The following SLC16A10 variants were observed in gnomAD, a reference collection of about 807,000 sequenced individuals.
SLC16A10 encodes monocarboxylate transporter 10.
Under a neutral mutation model 40.0 loss-of-function variants are expected in SLC16A10, and 27 were observed. That is an observed-to-expected ratio of 0.67 (90% CI 0.50 to 0.93). The LOEUF is 0.93. SLC16A10 is among the 40% of genes least tolerant of loss of function. The pLI is 0.00. For missense variants in SLC16A10, 529 were observed against 658.2 expected, an observed-to-expected ratio of 0.80 and a Z score of 2.15; for synonymous variants, 213 against 249.8, an observed-to-expected ratio of 0.85 and a Z score of 1.39.
intron 3 of SLC16A10, among the ~76,000 whole-genome samples, chr6:111,196,339 AAAAAAT>A (rs879696234): frequency 2.0e-5 from 3 of 152,148 alleles, no homozygotes; most frequent in Non-Finnish European, 4.4e-5. Context: ...CTCTGTCTCA[AAAAAAT>A]AAAAATAAAA....
At chr6:111,200,437 A>G (rs1185213956) in intron 3 of SLC16A10, among the ~76,000 whole-genome samples, 2 of 152,178 alleles carry the variant, frequency 1.3e-5, no homozygotes, top group African/African-American at 4.8e-5. Context: ...ACTCAAGTCT[A>G]TGGAGTTTGT....
chr6:111,177,899 C>G (rs1376020823), intron 3 of SLC16A10, among the ~76,000 whole-genome samples: 1 of 152,116 alleles, frequency 6.6e-6, no homozygotes, highest in Non-Finnish European at 1.5e-5. Context: ...CAAACCCAGC[C>G]AGACACCATG....
At chr6:111,128,449 ATTAT>A (rs909981396) in intron 1 of SLC16A10, among the ~76,000 whole-genome samples, 85 of 152,210 alleles carry the variant, frequency 5.6e-4, no homozygotes, top group African/African-American at 1.9e-3. Context: ...TTACTTATTG[ATTAT>A]TTAGTGGTCT....
At chr6:111,140,137 A>T (rs757003650) in intron 1 of SLC16A10, among the ~76,000 whole-genome samples, 3 of 152,212 alleles carry the variant, frequency 2.0e-5, no homozygotes, top group Non-Finnish European at 4.4e-5. Flanking sequence ...AAACCTTCAC[A>T]TGTACCCCTA....
chr6:111,096,997 T>A (rs1015462153), intron 1 of SLC16A10, among the ~76,000 whole-genome samples: 9 of 152,014 alleles, frequency 5.9e-5, no homozygotes, highest in East Asian at 1.9e-4. Context: ...TTTTTAAAAA[T>A]TTTTTTGTGG....
intron 1 of SLC16A10, among the ~76,000 whole-genome samples, chr6:111,093,713 A>T (rs1771024154): frequency 6.6e-6 from 1 of 152,252 alleles, no homozygotes; most frequent in African/African-American, 2.4e-5. Context: ...AGCTAGTTAC[A>T]GTGAACAAAT....
chr6:111,178,546 A>T, intron 3 of SLC16A10: 1 of 377,602 alleles, frequency 2.6e-6, no homozygotes, highest in South Asian at 2.1e-5. Context: ...CTTCATCCCT[A>T]CCTGGGGAAG....
intron 1 of SLC16A10, among the ~76,000 whole-genome samples, chr6:111,166,217 A>C (rs1236963404): frequency 6.6e-6 from 1 of 151,896 alleles, no homozygotes; most frequent in Non-Finnish European, 1.5e-5. Flanking sequence ...TGGTTTGCAC[A>C]GGGAGAAAGA....
At chr6:111,154,154 A>G (rs942762446) in intron 1 of SLC16A10, among the ~76,000 whole-genome samples, 5 of 152,210 alleles carry the variant, frequency 3.3e-5, no homozygotes, top group African/African-American at 1.2e-4. Context: ...GAACCTTGTA[A>G]AAATTTTTCT....
intron 1 of SLC16A10, among the ~76,000 whole-genome samples, chr6:111,123,611 G>C (rs1271860806): frequency 6.6e-6 from 1 of 152,190 alleles, no homozygotes; most frequent in East Asian, 1.9e-4. Flanking sequence ...CTTGAGCCAG[G>C]AGGTGACAGT....
At chr6:111,170,439 T>A (rs1485203807) in intron 1 of SLC16A10, among the ~76,000 whole-genome samples, 2 of 152,228 alleles carry the variant, frequency 1.3e-5, no homozygotes, top group Admixed American at 6.5e-5. Context: ...GCCTGCCTAG[T>A]ATTTATATTA....
chr6:111,218,899 T>C lies in SLC16A10; in HGVS notation c.1172T>C (p.Ile391Thr). 8 of 1,614,164 alleles carry C rather than the reference T, an allele frequency of 5.0e-6. No homozygotes were observed. Among genetic ancestry groups the C allele is most frequent in the Non-Finnish European group, 6.8e-6 (8 of 1,180,028 alleles). The change falls in exon 5 of 6, where the codon ATC (isoleucine) becomes ACC (threonine). Residue 391 changes from isoleucine (I) to threonine (T), a missense_variant. Coordinates refer to ENST00000368851, the MANE Select transcript of SLC16A10 (RefSeq NM_018593.5). ...GGGGCCCTCATTGCTGTGTGCCTCA[T>C]CATGGGTCTCTTCGATGGATGCTTC... ...IFGALIAVCL[I>T]MGLFDGCFIS...
At chr6:111,217,948 T>C (rs893544099) in intron 4 of SLC16A10, among the ~76,000 whole-genome samples, 8 of 152,162 alleles carry the variant, frequency 5.3e-5, no homozygotes, top group Non-Finnish European at 7.3e-5. Flanking sequence ...TTGAAACCTC[T>C]AGCACATAGC....
chr6:111,162,922 G>C (rs2114529474), intron 1 of SLC16A10, among the ~76,000 whole-genome samples: 1 of 151,918 alleles, frequency 6.6e-6, no homozygotes, highest in South Asian at 2.1e-4. Context: ...CATGAGTCCT[G>C]TACATTTTCC....
chr6:111,186,468 A>T (rs991685810), intron 3 of SLC16A10, among the ~76,000 whole-genome samples: 1 of 152,228 alleles, frequency 6.6e-6, no homozygotes, highest in Non-Finnish European at 1.5e-5. Flanking sequence ...AATTTGAAGA[A>T]TCTTCCCCTT....
intron 3 of SLC16A10, among the ~76,000 whole-genome samples, chr6:111,199,788 T>C (rs995505299): frequency 5.1e-5 from 3 of 59,136 alleles, no homozygotes; most frequent in Non-Finnish European, 1.1e-4. Flanking sequence ...ATGTCATAGA[T>C]GGACTGTTTA....
intron 1 of SLC16A10, among the ~76,000 whole-genome samples, chr6:111,156,288 C>T (rs1022304660): frequency 1.3e-5 from 2 of 152,150 alleles, no homozygotes; most frequent in Middle Eastern, 3.2e-3. Flanking sequence ...TTCCCCACTC[C>T]TGTAAGTGTG....
At chr6:111,153,464 G>A (rs770264973) in intron 1 of SLC16A10, among the ~76,000 whole-genome samples, 3 of 152,086 alleles carry the variant, frequency 2.0e-5, no homozygotes, top group Non-Finnish European at 4.4e-5. Flanking sequence ...GAGCCTGGGA[G>A]GTGAAGGTTG....
chr6:111,092,376 G>A (rs1244733772), intron 1 of SLC16A10, among the ~76,000 whole-genome samples: 3 of 139,392 alleles, frequency 2.2e-5, no homozygotes, highest in East Asian at 4.2e-4. Context: ...CTGGAGTGCA[G>A]TGGCACCATC....
Sources: gnomAD v4.1 joint callset for allele counts (sites outside exome capture counted in the v4.1 genomes callset) on GRCh38, gnomAD v4.1.1 for gene constraint, MANE v1.5 for transcripts, NCBI Gene and HGNC (gene_info 2026-07-23, HGNC 2026-07-21) for gene names.